The following PDE7A variants were observed in gnomAD, a reference collection of about 807,000 sequenced individuals.
PDE7A encodes the protein phosphodiesterase 7A, also known as high affinity 3',5'-cyclic-AMP phosphodiesterase 7A.
PDE7A carries 39 observed loss-of-function variants against 64.3 expected under a neutral mutation model. The ratio of observed to expected loss-of-function variants is 0.61; its 90% confidence interval spans 0.47 to 0.79. The LOEUF (loss-of-function observed/expected upper bound fraction) is 0.79. Ranked by LOEUF, PDE7A falls within the 30% of genes least tolerant of loss-of-function variation. The pLI is 0.00. For synonymous variants in PDE7A, 203 were observed against 206.8 expected, an observed-to-expected ratio of 0.98 and a Z score of 0.16; for missense variants, 470 against 582.8, an observed-to-expected ratio of 0.81 and a Z score of 1.99.
rs1464714780 is a variant in PDE7A, at chr8:65,718,354, AC to A, written c.*935del. On this transcript the variant is annotated 3_prime_UTR_variant, in exon 13 of 13. Coordinates refer to ENST00000401827, the MANE Select transcript of PDE7A (RefSeq NM_001242318.3). Reference sequence around the variant, plus strand: ...TCACTGCAGCGAAAGGGACTTTAGTACCCTTGATCTGAAGGACACACTCTCC... The same window carrying A: ...TCACTGCAGCGAAAGGGACTTTAGTACCTTGATCTGAAGGACACACTCTCC... The A allele has an allele frequency of 6.6e-6, 1 of 152,224 alleles. No homozygotes were observed. The highest frequency in any genetic ancestry group is 2.4e-5 in the African/African-American group (1 of 41,436). 9.4% of individuals were successfully genotyped at this position (152,224 alleles called of 1,614,324 possible).
At chr8:65,832,316 T>G (rs1810846584) in intron 1 of PDE7A, among the ~76,000 whole-genome samples, 1 of 152,200 alleles carries the variant, frequency 6.6e-6, no homozygotes, top group African/African-American at 2.4e-5. Flanking sequence ...AATACTATAA[T>G]CTACTTCATC....
intron 1 of PDE7A, among the ~76,000 whole-genome samples, chr8:65,813,669 T>C (rs1192221671): frequency 6.6e-6 from 1 of 152,256 alleles, no homozygotes; most frequent in African/African-American, 2.4e-5. Flanking sequence ...TATTTTTTAA[T>C]GTAATCTTTT....
At chr8:65,826,260 G>A (rs558158008) in intron 1 of PDE7A, among the ~76,000 whole-genome samples, 1 of 152,332 alleles carries the variant, frequency 6.6e-6, no homozygotes, top group South Asian at 2.1e-4. Flanking sequence ...CAATCTTACT[G>A]CATCTTAAAA....
At chr8:65,736,481 A>G (rs1321513197) in intron 6 of PDE7A, among the ~76,000 whole-genome samples, 3 of 152,166 alleles carry the variant, frequency 2.0e-5, no homozygotes, top group Non-Finnish European at 2.9e-5. Flanking sequence ...GGCCAGGTGC[A>G]CTGCCTCACA....
chr8:65,780,751 C>G (rs1161333181), intron 2 of PDE7A: 3 of 152,226 alleles, frequency 2.0e-5, no homozygotes, highest in Non-Finnish European at 2.9e-5. Context: ...TCTCACTACA[C>G]TTTTACAGCC....
chr8:65,824,574 C>T (rs1195450758), intron 1 of PDE7A, among the ~76,000 whole-genome samples: 1 of 152,294 alleles, frequency 6.6e-6, no homozygotes, highest in South Asian at 2.1e-4. Context: ...CATTGTTATC[C>T]TATTTTAAGA....
At chr8:65,824,807 A>G (rs1049950508) in intron 1 of PDE7A, among the ~76,000 whole-genome samples, 1 of 152,242 alleles carries the variant, frequency 6.6e-6, no homozygotes, top group Admixed American at 6.5e-5. Flanking sequence ...CAGCGCAAAC[A>G]TAACTTTTAT....
At chr8:65,731,983 A>G (rs117027460) in intron 7 of PDE7A, among the ~76,000 whole-genome samples, 7,619 of 143,014 alleles carry the variant, frequency 0.053, 206 homozygotes, top group Non-Finnish European at 0.073. Context: ...TATTATTATT[A>G]TTATTGTTGT....
rs1035117371 is a variant in PDE7A at position 65,759,100 on chromosome 8, T to C, written c.284-11297A>G. On this transcript the variant is annotated intron_variant, in intron 3 of 12. Transcript: ENST00000401827. ...TGGACCTCAGGGAGGCACACGGGGA[T>C]ACTTGCTTGCATTTTACGTCTTTTC... 6.6e-5 allele frequency among the ~76,000 whole-genome samples: 10 copies of C among 152,346 alleles called. No homozygotes were observed. In the South Asian group the frequency reaches 8.3e-4, roughly 13 times the overall value.
At chr8:65,730,117 G>A (rs1806792824) in intron 7 of PDE7A, among the ~76,000 whole-genome samples, 2 of 147,708 alleles carry the variant, frequency 1.4e-5, no homozygotes, top group African/African-American at 2.5e-5. Context: ...GCTTCTCATA[G>A]GAGCACAAAC....
chr8:65,752,475 T>C (rs1354095321), intron 3 of PDE7A, among the ~76,000 whole-genome samples: 1 of 152,184 alleles, frequency 6.6e-6, no homozygotes, highest in Non-Finnish European at 1.5e-5. Context: ...TCTTTGAAGG[T>C]ACTGGTTCAT....
In PDE7A at chr8:65,717,470, C is replaced by T. The variant is rs1447967662; in HGVS notation, c.*1820G>A. 6.6e-6 allele frequency: 1 copy of T among 152,236 alleles called. No individual in the cohort carries two copies. The highest frequency in any genetic ancestry group is 1.5e-5 in the Non-Finnish European group (1 of 68,034). 9.4% of individuals were successfully genotyped at this position (152,236 alleles called of 1,614,324 possible). A position where few individuals can be genotyped will look rare whatever the true frequency, so the allele number is the denominator to read the frequency against. On this transcript the variant is annotated 3_prime_UTR_variant, in exon 13 of 13. Coordinates refer to ENST00000401827, the MANE Select transcript of PDE7A (RefSeq NM_001242318.3). ...TAGGAACAAAAGGCCTGGCTCAAAG[C>T]TGACCTCTCCCCTGTGTTAGTCAGG...
intron 1 of PDE7A, among the ~76,000 whole-genome samples, chr8:65,812,380 T>G (rs1208277030): frequency 2.6e-5 from 4 of 152,152 alleles, no homozygotes; most frequent in Non-Finnish European, 5.9e-5. Flanking sequence ...CCTGCCTTAT[T>G]CCTTATACCA....
intron 1 of PDE7A, among the ~76,000 whole-genome samples, chr8:65,815,089 A>C (rs976688103): frequency 9.8e-5 from 15 of 152,298 alleles, no homozygotes; most frequent in African/African-American, 3.6e-4. Context: ...TCAAAAAAAA[A>C]AAAAATTAAT....
At chr8:65,749,145 C>CA (rs1807817664) in intron 3 of PDE7A, among the ~76,000 whole-genome samples, 1 of 152,178 alleles carries the variant, frequency 6.6e-6, no homozygotes, top group South Asian at 2.1e-4. Flanking sequence ...GCTCCCTGTG[C>CA]ATTCATCTAT....
intron 4 of PDE7A, among the ~76,000 whole-genome samples, chr8:65,747,365 T>G (rs1257395609): frequency 6.6e-6 from 1 of 152,206 alleles, no homozygotes; most frequent in Non-Finnish European, 1.5e-5. Flanking sequence ...AGCATTACAA[T>G]TCTGTGAGAT....
intron 1 of PDE7A, among the ~76,000 whole-genome samples, chr8:65,819,991 C>T (rs1419253269): frequency 6.6e-6 from 1 of 152,204 alleles, no homozygotes; most frequent in African/African-American, 2.4e-5. Context: ...CAAGTGGATC[C>T]CTGTATTACT....
intron 7 of PDE7A, among the ~76,000 whole-genome samples, chr8:65,730,992 A>C (rs1806861580): frequency 1.3e-5 from 2 of 152,202 alleles, no homozygotes; most frequent in Non-Finnish European, 2.9e-5. Context: ...CCAATGATAA[A>C]GCCCATATAC....
chr8:65,741,539 T>G (rs190291175), intron 5 of PDE7A, among the ~76,000 whole-genome samples: 2 of 152,334 alleles, frequency 1.3e-5, no homozygotes, highest in Non-Finnish European at 2.9e-5. Flanking sequence ...AGACTATTTT[T>G]AAAAACTACC....
Sources: allele counts gnomAD v4.1 joint callset (sites outside exome capture counted in the v4.1 genomes callset), GRCh38; gene constraint gnomAD v4.1.1; transcripts MANE v1.5; gene names NCBI Gene and HGNC (gene_info 2026-07-23, HGNC 2026-07-21).